The following IQCM variants were observed in gnomAD, a reference collection of about 807,000 sequenced individuals.
IQCM encodes the protein IQ domain-containing protein M.
In IQCM, 45 loss-of-function variants were observed where a neutral mutation model predicts 57.6. That is an observed-to-expected ratio of 0.78 (90% confidence interval 0.62 to 1.00). IQCM has a LOEUF of 1.00. Among genes scored for constraint, IQCM ranks in the 50% least tolerant of loss-of-function variants. IQCM has a pLI of 0.00. For synonymous variants in IQCM, 148 were observed against 158.9 expected (o/e 0.93, Z 0.51); for missense variants, 468 against 511.6 (o/e 0.91, Z 0.82).
At chr4:149,593,527 C>T (rs965377040) in intron 8 of IQCM, among the ~76,000 whole-genome samples, 4 of 152,100 alleles carry the variant, frequency 2.6e-5, no homozygotes, top group African/African-American at 7.2e-5. Context: ...GCATCCCTGT[C>T]TTGTGCCAGT....
chr4:149,398,597 C>T (rs1332340405), intron 13 of IQCM, among the ~76,000 whole-genome samples: 2 of 151,936 alleles, frequency 1.3e-5, no homozygotes, highest in Non-Finnish European at 2.9e-5. Context: ...AAGCTTTATT[C>T]TTTGTGATGT....
intron 12 of IQCM, among the ~76,000 whole-genome samples, chr4:149,459,535 C>A (rs908658328): frequency 5.3e-5 from 8 of 152,120 alleles, no homozygotes; most frequent in Non-Finnish European, 8.8e-5. Context: ...ACAACCATCA[C>A]CACCATCTAT....
chr4:149,506,004 G>A (rs1011859379), intron 12 of IQCM, among the ~76,000 whole-genome samples: 2 of 152,172 alleles, frequency 1.3e-5, no homozygotes, highest in African/African-American at 4.8e-5. Context: ...GAATACAACT[G>A]GGCCTGTGAC....
chr4:149,432,498 C>A (rs1171046758), intron 13 of IQCM, among the ~76,000 whole-genome samples: 1 of 151,846 alleles, frequency 6.6e-6, no homozygotes, highest in Non-Finnish European at 1.5e-5. Context: ...CAAAAATTAA[C>A]CCCAAATCAA....
chr4:149,386,713 C>T (rs1366183812), intron 13 of IQCM, among the ~76,000 whole-genome samples: 1 of 151,884 alleles, frequency 6.6e-6, no homozygotes. Flanking sequence ...CTGAACTATT[C>T]CTTTGTCAGG....
chr4:149,551,441 C>A (rs1749018920), intron 11 of IQCM, among the ~76,000 whole-genome samples: 2 of 151,914 alleles, frequency 1.3e-5, no homozygotes, highest in Non-Finnish European at 2.9e-5. Flanking sequence ...AAGGAGAAAT[C>A]ATGAAAAGAA....
chr4:149,566,444 C>T (rs1024894668), intron 9 of IQCM, among the ~76,000 whole-genome samples: 6 of 151,904 alleles, frequency 3.9e-5, no homozygotes, highest in East Asian at 1.9e-4. Flanking sequence ...TCCTAAGTTG[C>T]CTTGAAAGGC....
At chr4:149,414,732 A>G (rs946300958) in intron 13 of IQCM, among the ~76,000 whole-genome samples, 5 of 152,180 alleles carry the variant, frequency 3.3e-5, no homozygotes, top group South Asian at 4.1e-4. Flanking sequence ...TTAAAAATTA[A>G]AAAATAAGAT....
intron 12 of IQCM, among the ~76,000 whole-genome samples, chr4:149,454,479 G>C (rs932493686): frequency 6.6e-6 from 1 of 151,778 alleles, no homozygotes; most frequent in Non-Finnish European, 1.5e-5. Context: ...TTGGGAGTGG[G>C]AGGAGGGTGA....
At chr4:149,727,083 TC>T (rs1766015946) in intron 5 of IQCM, among the ~76,000 whole-genome samples, 1 of 152,158 alleles carries the variant, frequency 6.6e-6, no homozygotes, top group African/African-American at 2.4e-5. Context: ...TTTACCTGTT[TC>T]TTTTTACTGT....
intron 7 of IQCM, among the ~76,000 whole-genome samples, chr4:149,670,484 G>C (rs1041031471): frequency 2.6e-5 from 4 of 152,098 alleles, no homozygotes; most frequent in African/African-American, 9.7e-5. Flanking sequence ...TATCCTGCCT[G>C]ATTGCCCTGG....
intron 9 of IQCM, among the ~76,000 whole-genome samples, chr4:149,587,643 C>T (rs1212450403): frequency 6.6e-6 from 1 of 151,660 alleles, no homozygotes; most frequent in Non-Finnish European, 1.5e-5. Context: ...TCATTTACGG[C>T]ATTTACTGTC....
At position 149,528,358 on chromosome 4, in the gene IQCM, C is replaced by T. The variant is rs549855623; in HGVS notation, c.1228+20097G>A. Reference sequence around the variant, plus strand: ...ATGTAGAACCCAAAAAGCTTCACAGCTTAACATTTTGTCAATCATCACTTA... The same window carrying T: ...ATGTAGAACCCAAAAAGCTTCACAGTTTAACATTTTGTCAATCATCACTTA... On this transcript the variant is annotated intron_variant, in intron 12 of 13. Coordinates refer to ENST00000636793, the MANE Select transcript of IQCM (RefSeq NM_001363507.2). Among the ~76,000 whole-genome samples the T allele has an allele frequency of 2.0e-5, 3 of 152,234 alleles. No individual in the cohort carries two copies. The South Asian group carries it at 6.2e-4, about 32-fold the overall frequency.
intron 12 of IQCM, among the ~76,000 whole-genome samples, chr4:149,515,521 C>T (rs1744864170): frequency 6.6e-6 from 1 of 152,192 alleles, no homozygotes; most frequent in South Asian, 2.1e-4. Context: ...TCTCTATGAT[C>T]AGCTGACAGA....
intron 5 of IQCM, among the ~76,000 whole-genome samples, chr4:149,732,217 C>A (rs370061148): frequency 6.6e-6 from 1 of 152,078 alleles, no homozygotes; most frequent in Non-Finnish European, 1.5e-5. Flanking sequence ...AACTCTAGCC[C>A]ACCCATCTTC....
chr4:149,670,740 G>C (rs529344719), intron 7 of IQCM, among the ~76,000 whole-genome samples: 1 of 152,128 alleles, frequency 6.6e-6, no homozygotes, highest in East Asian at 1.9e-4. Context: ...ATAATGTTGT[G>C]GTTTTTGTCT....
intron 12 of IQCM, among the ~76,000 whole-genome samples, chr4:149,504,859 G>A (rs983499155): frequency 2.6e-5 from 4 of 152,130 alleles, no homozygotes; most frequent in Non-Finnish European, 5.9e-5. Context: ...GTTGCAGTGA[G>A]CTGAGATCGT....
At chr4:149,453,288 G>T (rs543780573) in intron 12 of IQCM, among the ~76,000 whole-genome samples, 1 of 151,672 alleles carries the variant, frequency 6.6e-6, no homozygotes, top group South Asian at 2.1e-4. Context: ...CATAACCTTG[G>T]GTTAGGCAAT....
chr4:149,740,941 T>C (rs1767401090), intron 3 of IQCM, among the ~76,000 whole-genome samples: 1 of 152,112 alleles, frequency 6.6e-6, no homozygotes, highest in Non-Finnish European at 1.5e-5. Context: ...CCATCAGTTC[T>C]AGGGTAAAGA....
Sources: gnomAD v4.1 joint callset for allele counts (sites outside exome capture counted in the v4.1 genomes callset) on GRCh38, gnomAD v4.1.1 for gene constraint, MANE v1.5 for transcripts, NCBI Gene and HGNC (gene_info 2026-07-23, HGNC 2026-07-21) for gene names.